The following SMIM13 variants were observed in gnomAD, a reference collection of about 807,000 sequenced individuals.
SMIM13 encodes the protein UPF0766 protein C6orf228.
SMIM13 carries 3 observed loss-of-function variants against 5.9 expected under a neutral mutation model. The ratio of observed to expected loss-of-function variants is 0.51; its 90% CI spans 0.23 to 1.31. SMIM13 has a LOEUF of 1.31. SMIM13 is among the 40% of genes most tolerant of loss of function. The probability of loss-of-function intolerance (pLI) is 0.18; values close to 1 mark genes in which losing one functional copy is unlikely to be tolerated. For synonymous variants in SMIM13, 55 were observed against 46.0 expected (o/e 1.19, Z -0.79); for missense variants, 85 against 109.9 (o/e 0.77, Z 1.01).
In SMIM13 at chr6:11,094,365, A is replaced by T; in HGVS notation, c.52A>T (p.Ile18Phe). ...TLLVFVATLL[I>F]VLLLMVCGWY... is the part of the protein sequence containing the mutation. ...GCTTGTGTTCGTGGCCACGCTGCTG[A>T]TCGTCCTGCTGCTGATGGTGTGCGG... Residue 18 changes from isoleucine to phenylalanine, a missense_variant, in exon 1 of 2, where the codon ATC becomes TTC. Ile to Phe is a conservative substitution (Grantham distance 21). Transcript: ENST00000416247. 6.5e-7 allele frequency: 1 copy of T among 1,537,694 alleles called. No individual in the cohort carries two copies. Among genetic ancestry groups the T allele is most frequent in the Non-Finnish European group, 8.7e-7 (1 of 1,143,980 alleles).
chr6:11,138,695 T>C lies in SMIM13; in HGVS notation c.*4093T>C, dbSNP rs1758545527. ...TGTGGTTTGTATGATGTTTTAACTT[T>C]CACTTTAAACTGCATAGAATAAATT... On this transcript the variant is annotated 3_prime_UTR_variant, in exon 2 of 2. Coordinates refer to ENST00000416247, the MANE Select transcript of SMIM13 (RefSeq NM_001135575.2). 2 of 152,192 alleles carry C rather than the reference T, an allele frequency of 1.3e-5. No homozygotes were observed. The highest frequency in any genetic ancestry group is 2.9e-5 in the Non-Finnish European group (2 of 68,040). The allele number at this position is 152,192 out of a possible 1,614,324, so 9.4% of individuals were successfully genotyped here.
chr6:11,100,650 AT>A (rs988942803), intron 1 of SMIM13, among the ~76,000 whole-genome samples: 9 of 151,774 alleles, frequency 5.9e-5, no homozygotes, highest in African/African-American at 1.9e-4. Context: ...TGCATGAAAA[AT>A]TTTTTTTTGA....
rs1350676226 is a variant in SMIM13 at position 11,115,677 on chromosome 6, TTTTTC to T, written c.77-18716_77-18712del. ...TTTGCCATGTTCTTTCTTTCTTTCT[TTTTTC>T]TTTTCTTTTTTTTTTTTTTGAGACA... On this transcript the variant is annotated intron_variant, in intron 1 of 1. Coordinates refer to ENST00000416247, the MANE Select transcript of SMIM13 (RefSeq NM_001135575.2). Among the ~76,000 whole-genome samples, 111 of 148,390 alleles carry T rather than the reference TTTTTC, an allele frequency of 7.5e-4. 1 individual carries two copies. The highest frequency in any genetic ancestry group is 6.9e-3 in the Middle Eastern group (2 of 290).
chr6:11,095,484 C>T (rs758336571), intron 1 of SMIM13, among the ~76,000 whole-genome samples: 1 of 152,000 alleles, frequency 6.6e-6, no homozygotes, highest in Non-Finnish European at 1.5e-5. Context: ...TAGCTGTAGC[C>T]GGGATTACAG....
chr6:11,131,646 T>C (rs1220412418), intron 1 of SMIM13, among the ~76,000 whole-genome samples: 1 of 152,186 alleles, frequency 6.6e-6, no homozygotes, highest in Non-Finnish European at 1.5e-5. Context: ...CAATTGTTTT[T>C]TGACAAAGGT....
At chr6:11,129,288 C>T (rs1477755983) in intron 1 of SMIM13, among the ~76,000 whole-genome samples, 7 of 152,190 alleles carry the variant, frequency 4.6e-5, no homozygotes, top group African/African-American at 1.4e-4. Flanking sequence ...TGATATTTGT[C>T]TTTCTGTGTC....
intron 1 of SMIM13, among the ~76,000 whole-genome samples, chr6:11,117,601 T>C (rs1424683126): frequency 6.6e-6 from 1 of 152,194 alleles, no homozygotes; most frequent in African/African-American, 2.4e-5. Flanking sequence ...TGTTGTTAAA[T>C]TTTGAATATT....
Position 11,104,988 on chromosome 6 carries a change from G to A in SMIM13, c.76+10599G>A. On this transcript the variant is annotated intron_variant, in intron 1 of 1. Transcript: ENST00000416247. ...ATTAGTAAAGATGGGTCCGAAAATG[G>A]GAGGTTTCTGGCGGATATCAGGGAA... 1.9e-6 allele frequency: 3 copies of A among 1,614,182 alleles called. No homozygotes were observed. In the South Asian group the frequency reaches 3.3e-5, roughly 18 times the overall value.
intron 1 of SMIM13, among the ~76,000 whole-genome samples, chr6:11,106,104 T>C (rs1758079346): frequency 6.6e-6 from 1 of 152,140 alleles, no homozygotes; most frequent in South Asian, 2.1e-4. Flanking sequence ...TACTAACCTG[T>C]TGAGTTAATT....
At chr6:11,127,004 G>A (rs528746901) in intron 1 of SMIM13, among the ~76,000 whole-genome samples, 3 of 152,286 alleles carry the variant, frequency 2.0e-5, no homozygotes, top group African/African-American at 7.2e-5. Context: ...GTCTCTCTGT[G>A]CTGAGCTGCC....
At chr6:11,119,195 C>T (rs1758279937) in intron 1 of SMIM13, among the ~76,000 whole-genome samples, 1 of 152,208 alleles carries the variant, frequency 6.6e-6, no homozygotes, top group Admixed American at 6.5e-5. Context: ...GAATGTAGTT[C>T]TCCCAAAGAG....
chr6:11,116,490 C>G (rs1758242132), intron 1 of SMIM13, among the ~76,000 whole-genome samples: 1 of 152,188 alleles, frequency 6.6e-6, no homozygotes, highest in Admixed American at 6.5e-5. Context: ...TGGGCTGGGA[C>G]TTTTCTTTTT....
chr6:11,130,266 A>C (rs1008963867), intron 1 of SMIM13, among the ~76,000 whole-genome samples: 2 of 145,412 alleles, frequency 1.4e-5, no homozygotes, highest in East Asian at 2.1e-4. Flanking sequence ...AAAAAAAAAA[A>C]AAACAACAAC....
intron 1 of SMIM13, among the ~76,000 whole-genome samples, chr6:11,109,923 G>T (rs1758143038): frequency 6.6e-6 from 1 of 152,088 alleles, no homozygotes. Flanking sequence ...ACTTACAGCA[G>T]ACCAGAGTGG....
At chr6:11,108,241 G>A (rs1758115959) in intron 1 of SMIM13, among the ~76,000 whole-genome samples, 1 of 152,200 alleles carries the variant, frequency 6.6e-6, no homozygotes, top group Non-Finnish European at 1.5e-5. Flanking sequence ...GAGGATAATT[G>A]CCTGGGAAAA....
rs1156828553 is a variant in SMIM13, at chr6:11,134,449, C to T, written c.123C>T (p.Leu41=). The part of the protein sequence containing the change: ...WHLFLSKFKF[L]RELVGDTGSQ... ...TTTTTTTATCAAAATTCAAGTTTCT[C>T]CGGGAACTGGTGGGAGACACAGGAT... is the stretch of plus-strand genomic sequence containing the variant. Residue 41 remains leucine, a synonymous_variant, in exon 2 of 2, where the codon CTC becomes CTT. Coordinates refer to ENST00000416247, the MANE Select transcript of SMIM13 (RefSeq NM_001135575.2). The T allele has an allele frequency of 1.3e-6, 2 of 1,550,944 alleles. No individual in the cohort carries two copies. The highest frequency in any genetic ancestry group is 2.0e-5 in the Admixed American group (1 of 50,920).
At chr6:11,131,653 AG>A (rs967297922) in intron 1 of SMIM13, among the ~76,000 whole-genome samples, 40 of 152,306 alleles carry the variant, frequency 2.6e-4, no homozygotes, top group South Asian at 1.4e-3. Context: ...TTTTTGACAA[AG>A]GTGCCAAGAT....
chr6:11,117,597 TAA>T (rs1304591175), intron 1 of SMIM13, among the ~76,000 whole-genome samples: 1 of 152,196 alleles, frequency 6.6e-6, no homozygotes, highest in Non-Finnish European at 1.5e-5. Flanking sequence ...AGTATGTTGT[TAA>T]ATTTTGAATA....
intron 1 of SMIM13, among the ~76,000 whole-genome samples, chr6:11,127,304 T>C (rs1758389524): frequency 6.6e-6 from 1 of 152,202 alleles, no homozygotes; most frequent in Non-Finnish European, 1.5e-5. Context: ...CTCTCTATTC[T>C]ACTGCAGCTA....
Sources: gnomAD v4.1 joint callset for allele counts (sites outside exome capture counted in the v4.1 genomes callset) on GRCh38, gnomAD v4.1.1 for gene constraint, MANE v1.5 for transcripts, NCBI Gene and HGNC (gene_info 2026-07-23, HGNC 2026-07-21) for gene names.